The following UNK variants were observed in gnomAD, a reference collection of about 807,000 sequenced individuals.
UNK encodes the protein unk zinc finger.
UNK carries 32 observed loss-of-function variants against 97.6 expected under a neutral mutation model. The observed-to-expected ratio is 0.33, with a 90% confidence interval of 0.25 to 0.44. The LOEUF is 0.44. Ranked by LOEUF, UNK falls within the 20% of genes least tolerant of loss-of-function variation. UNK has a pLI of 1.00. For synonymous variants in UNK, 441 were observed against 461.2 expected (o/e 0.96, Z 0.56); for missense variants, 771 against 1,098.4 (o/e 0.70, Z 4.21).
chr17:75,791,056 C>A (rs562156911), intron 1 of UNK, among the ~76,000 whole-genome samples: 1 of 152,190 alleles, frequency 6.6e-6, no homozygotes, highest in African/African-American at 2.4e-5. Context: ...TGTCTTCATG[C>A]CTTCAACTGC....
At chr17:75,802,148 T>A (rs1345489082) in intron 1 of UNK, among the ~76,000 whole-genome samples, 2 of 150,540 alleles carry the variant, frequency 1.3e-5, no homozygotes, top group African/African-American at 4.9e-5. Context: ...GCGCCTGACC[T>A]AAAAATTTTT....
intron 1 of UNK, among the ~76,000 whole-genome samples, chr17:75,808,794 CA>C (rs1202294310): frequency 6.6e-6 from 1 of 152,030 alleles, no homozygotes; most frequent in Admixed American, 6.6e-5. Context: ...CTTCTGGGGC[CA>C]GGGGCAGGGG....
Position 75,824,563 on chromosome 17 carries a change from T to C in UNK, c.*146T>C. 1 of 594,814 alleles carries C rather than the reference T, an allele frequency of 1.7e-6. No individual in the cohort carries two copies. The highest frequency in any genetic ancestry group is 2.3e-6 in the Non-Finnish European group (1 of 439,480). 36.8% of individuals were successfully genotyped at this position (594,814 alleles called of 1,614,324 possible). On this transcript the variant is annotated 3_prime_UTR_variant, in exon 16 of 16. Coordinates refer to ENST00000589666, the MANE Select transcript of UNK (RefSeq NM_001080419.3). The surrounding 1 kb of genome is among the most constrained non-coding windows in gnomAD (Gnocchi z 4.9). ...ATATGTATACATTTCCGTATGTATGTATATGTATACATTTCCGTATGTGTG... is the reference window on the plus strand; with the variant it reads ...ATATGTATACATTTCCGTATGTATGCATATGTATACATTTCCGTATGTGTG...
At chr17:75,795,037 C>T (rs556252285) in intron 1 of UNK, among the ~76,000 whole-genome samples, 2 of 152,190 alleles carry the variant, frequency 1.3e-5, no homozygotes, top group South Asian at 4.2e-4. Context: ...AGGGCACGCA[C>T]GGGGCAGCAG....
At chr17:75,808,196 A>G (rs922607842) in intron 1 of UNK, among the ~76,000 whole-genome samples, 2 of 152,308 alleles carry the variant, frequency 1.3e-5, no homozygotes, top group Non-Finnish European at 2.9e-5. Flanking sequence ...AGGAATGGGT[A>G]TCCCAGCTCA....
Position 75,819,510 on chromosome 17 carries a change from C to T in UNK, c.1547-174C>T, listed in dbSNP as rs1369804644. On this transcript the variant is annotated intron_variant, in intron 11 of 15. Coordinates refer to ENST00000589666, the MANE Select transcript of UNK (RefSeq NM_001080419.3). The surrounding 1 kb of genome is among the most constrained non-coding windows in gnomAD (Gnocchi z 5.4). ...GTTGGACATGACTGGCAGACGGTGT[C>T]AGAAGTCAGGAGTCAGGATTGGCAT... 4.9e-6 allele frequency: 3 copies of T among 616,168 alleles called. No individual in the cohort carries two copies. The highest frequency in any genetic ancestry group is 5.8e-6 in the Non-Finnish European group (2 of 347,292). 38.2% of individuals were successfully genotyped at this position (616,168 alleles called of 1,614,324 possible).
At chr17:75,795,297 T>C (rs1242183680) in intron 1 of UNK, among the ~76,000 whole-genome samples, 1 of 152,146 alleles carries the variant, frequency 6.6e-6, no homozygotes, top group Non-Finnish European at 1.5e-5. Context: ...AGGTTAGCTA[T>C]GTACAGAAAA....
Position 75,812,604 on chromosome 17 carries a change from C to T in UNK, c.622+19C>T, listed in dbSNP as rs377610297. On this transcript the variant is annotated intron_variant, in intron 4 of 15. Transcript: ENST00000589666. ...TGGCAAGGTACAGGCATCCACACCT[C>T]GGCCGCGCCCTCCCTATAATCCTGC... 1.3e-4 allele frequency: 204 copies of T among 1,609,166 alleles called. 1 individual carries two copies. The African/African-American group carries it at 2.0e-3, about 16-fold the overall frequency.
chr17:75,821,238 C>G (rs1398148384), intron 13 of UNK: 2 of 362,646 alleles, frequency 5.5e-6, no homozygotes, highest in Admixed American at 6.7e-5. Flanking sequence ...CTAGACTTAG[C>G]TCCACTTACT....
At position 75,805,179 on chromosome 17, in the gene UNK, C is replaced by CA. The variant is rs36025200; in HGVS notation, c.105-4565dup. Among the ~76,000 whole-genome samples the CA allele has an allele frequency of 5.2e-3, 595 of 114,834 alleles. 4 individuals are homozygous for CA. Among genetic ancestry groups the CA allele is most frequent in the East Asian group, 0.027 (115 of 4,246 alleles). The allele number at this position is 114,834 out of a possible 152,430, so 75.3% of individuals were successfully genotyped here. A position where few individuals can be genotyped will look rare whatever the true frequency, so the allele number is the denominator to read the frequency against. On this transcript the variant is annotated intron_variant, in intron 1 of 15. Transcript: ENST00000589666. ...CTGGGCACAGAGCGAGACTCCATCT[C>CA]AAAAAAAAAAAAAAAATATTATATG...
chr17:75,790,889 G>A (rs956451959), intron 1 of UNK, among the ~76,000 whole-genome samples: 9 of 150,946 alleles, frequency 6.0e-5, no homozygotes, highest in East Asian at 2.0e-4. Context: ...GCAGTGAGCC[G>A]AGATCACACT....
chr17:75,820,919 T>C (rs539606210), intron 13 of UNK, among the ~76,000 whole-genome samples: 1 of 152,370 alleles, frequency 6.6e-6, no homozygotes, highest in East Asian at 1.9e-4. Context: ...ATCTCATTCC[T>C]GATCCCAGAA....
At chr17:75,823,993 C>T (rs1415098588) in intron 15 of UNK, among the ~76,000 whole-genome samples, 1 of 152,216 alleles carries the variant, frequency 6.6e-6, no homozygotes, top group Non-Finnish European at 1.5e-5. Context: ...CCTTTCTGGG[C>T]CTCATTTTCC....
At chr17:75,785,071 C>T in intron 1 of UNK, 87 bp downstream of exon 1, 2 of 901,718 alleles carry the variant, frequency 2.2e-6, no homozygotes, top group Non-Finnish European at 1.6e-6. Context: ...GAGCGCGAGG[C>T]GGCCTCTTCC....
intron 1 of UNK, among the ~76,000 whole-genome samples, chr17:75,799,780 A>G (rs1167196603): frequency 6.6e-6 from 1 of 152,128 alleles, no homozygotes; most frequent in Non-Finnish European, 1.5e-5. Flanking sequence ...ATCTAGACCC[A>G]GGGGACAACA....
rs576786267 is a variant in UNK, at chr17:75,791,708, A to G, written c.104+6724A>G. 1.1e-5 allele frequency: 11 copies of G among 982,118 alleles called. No homozygotes were observed. The South Asian group carries it at 4.2e-4, about 38-fold the overall frequency. 60.8% of individuals were successfully genotyped at this position (982,118 alleles called of 1,614,324 possible). A position where few individuals can be genotyped will look rare whatever the true frequency, so the allele number is the denominator to read the frequency against. On this transcript the variant is annotated intron_variant, in intron 1 of 15. Transcript: ENST00000589666. ...CTAGTTGATATTTGCTATTATCTAA[A>G]TTATTAAAGTCAAGATTTGCTTAAT...
rs1440696345 is a variant in UNK, at chr17:75,824,246, G to GC, written c.2278-12dup. The GC allele has an allele frequency of 6.3e-7, 1 of 1,575,570 alleles. No individual in the cohort carries two copies. Among genetic ancestry groups the GC allele is most frequent in the African/African-American group, 1.4e-5 (1 of 72,474 alleles). On this transcript the variant is annotated splice_polypyrimidine_tract_variant and intron_variant, in intron 15 of 15. Transcript: ENST00000589666. This position sits in a 1 kb window ranked among gnomAD's most constrained non-coding sequence, Gnocchi z 4.9. ...CAGACCCATGGATGGTGACCACGATGCCCCTTTCCCTGCAGGCCGTGTTCC... is the reference window on the plus strand; with the variant it reads ...CAGACCCATGGATGGTGACCACGATGCCCCCTTTCCCTGCAGGCCGTGTTCC...
chr17:75,810,784 GCAC>G (rs1027274101), intron 2 of UNK, among the ~76,000 whole-genome samples: 25 of 150,996 alleles, frequency 1.7e-4, no homozygotes, highest in African/African-American at 5.6e-4. Flanking sequence ...CTGCAGGCGT[GCAC>G]CACAATACCC....
intron 1 of UNK, among the ~76,000 whole-genome samples, chr17:75,800,754 T>C (rs1392131902): frequency 6.6e-6 from 1 of 151,464 alleles, no homozygotes; most frequent in Admixed American, 6.6e-5. Context: ...AAAAAATAAA[T>C]AAAATAACGC....
Sources: gnomAD v4.1 joint callset for allele counts (sites outside exome capture counted in the v4.1 genomes callset) on GRCh38, gnomAD v4.1.1 for gene constraint, Gnocchi (gnomAD v3.1) non-coding constraint, MANE v1.5 for transcripts, NCBI Gene and HGNC (gene_info 2026-07-23, HGNC 2026-07-21) for gene names.